The following ANK3 variants were observed in gnomAD, a reference collection of about 807,000 sequenced individuals.
ANK3 encodes ankyrin 3.
In ANK3, 57 loss-of-function variants were observed where a neutral mutation model predicts 370.9. The observed-to-expected ratio is 0.15, with a 90% CI of 0.12 to 0.19. The LOEUF (loss-of-function observed/expected upper bound fraction) is 0.19, where lower values mean the gene tolerates loss of function less well. ANK3 is among the 10% of genes least tolerant of loss of function. The probability of loss-of-function intolerance (pLI) is 1.00; values close to 1 mark genes in which losing one functional copy is unlikely to be tolerated. For missense variants in ANK3, 4,439 were observed against 5,302.1 expected, an observed-to-expected ratio of 0.84 and a Z score of 5.06; for synonymous variants, 1,929 against 1,946.3, an observed-to-expected ratio of 0.99 and a Z score of 0.23.
chr10:60,350,805 C>A (rs899565031), intron 1 of ANK3, among the ~76,000 whole-genome samples: 1 of 152,158 alleles, frequency 6.6e-6, no homozygotes, highest in East Asian at 1.9e-4. Flanking sequence ...GTCTCAGCAG[C>A]CCCTGGCTCA....
At chr10:60,367,615 A>C (rs908823012) in intron 1 of ANK3, among the ~76,000 whole-genome samples, 4 of 152,170 alleles carry the variant, frequency 2.6e-5, no homozygotes, top group Non-Finnish European at 5.9e-5. Flanking sequence ...TCATCAGCAC[A>C]CTGCAAAAAT....
intron 42 of ANK3, chr10:60,044,073 C>T (rs1441647773): frequency 3.6e-5 from 35 of 985,546 alleles, no homozygotes; most frequent in Non-Finnish European, 4.2e-5. Context: ...CTCTCCATTA[C>T]CACATCATCA....
At chr10:60,713,522 T>G (rs1232413175) in intron 1 of ANK3, among the ~76,000 whole-genome samples, 3 of 151,934 alleles carry the variant, frequency 2.0e-5, no homozygotes, top group African/African-American at 7.3e-5. Context: ...AGATCTAAAA[T>G]CAATAATCTA....
chr10:60,608,627 A>G (rs1018758654), intron 2 of ANK3, among the ~76,000 whole-genome samples: 3 of 152,234 alleles, frequency 2.0e-5, no homozygotes. Context: ...TATATATTCT[A>G]AACAAATACA....
intron 1 of ANK3, among the ~76,000 whole-genome samples, chr10:60,731,376 T>A (rs529269318): frequency 6.6e-6 from 1 of 152,316 alleles, no homozygotes; most frequent in South Asian, 2.1e-4. Context: ...GTCTGAAGGA[T>A]CTTGAGCTAC....
intron 24 of ANK3, among the ~76,000 whole-genome samples, chr10:60,138,269 C>T (rs1222055672): frequency 6.6e-6 from 1 of 152,162 alleles, no homozygotes; most frequent in Non-Finnish European, 1.5e-5. Flanking sequence ...CACACTAGGG[C>T]AAAGAAGTCT....
chr10:60,056,131 C>A, intron 41 of ANK3, 95 bp from the exon 42 acceptor site: 1 of 1,378,258 alleles, frequency 7.3e-7, no homozygotes, highest in Admixed American at 2.5e-5. Flanking sequence ...CTTTTGCCTA[C>A]TTCTGAAGGC....
intron 1 of ANK3, among the ~76,000 whole-genome samples, chr10:60,702,655 A>G (rs1296980150): frequency 6.6e-6 from 1 of 152,214 alleles, no homozygotes; most frequent in Non-Finnish European, 1.5e-5. Context: ...AATAGTGGAT[A>G]TAAGAGATCT....
upstream of ANK3, among the ~76,000 whole-genome samples, chr10:60,394,793 T>C (rs979520377): frequency 1.3e-5 from 2 of 152,222 alleles, no homozygotes; most frequent in African/African-American, 4.8e-5. Flanking sequence ...TTCCTCTCTG[T>C]GCTCTGGCTC....
chr10:60,250,441 T>C lies in ANK3; in HGVS notation c.798+11418A>G, dbSNP rs554256664. ...GTGCAGTGGCACAATCTCGGCTCAC[T>C]GCAAGCTCTGCCTCCCAGGTTCAAG... On this transcript the variant is annotated intron_variant, in intron 7 of 43. Coordinates refer to ENST00000280772, the MANE Select transcript of ANK3 (RefSeq NM_020987.5). Among the ~76,000 whole-genome samples the C allele has an allele frequency of 7.9e-5, 12 of 152,350 alleles. No individual in the cohort carries two copies. In the East Asian group the frequency reaches 1.9e-3, roughly 24 times the overall value.
chr10:60,584,902 C>T (rs534954592), intron 2 of ANK3, among the ~76,000 whole-genome samples: 1 of 152,254 alleles, frequency 6.6e-6, no homozygotes, highest in African/African-American at 2.4e-5. Flanking sequence ...GTCACCAAGG[C>T]CCAGTGGGAC....
At chr10:60,677,805 G>T (rs866548967) in intron 1 of ANK3, among the ~76,000 whole-genome samples, 2 of 141,296 alleles carry the variant, frequency 1.4e-5, no homozygotes, top group African/African-American at 5.2e-5. Flanking sequence ...AAAAAGAAAA[G>T]AAAAGAAAAG....
intron 1 of ANK3, among the ~76,000 whole-genome samples, chr10:60,711,499 G>A (rs541223266): frequency 6.6e-6 from 1 of 152,056 alleles, no homozygotes; most frequent in East Asian, 1.9e-4. Context: ...GTTTCAAGAT[G>A]TCAGTAGAAA....
At chr10:60,085,907 G>A (rs559684012) in intron 30 of ANK3, among the ~76,000 whole-genome samples, 12 of 152,270 alleles carry the variant, frequency 7.9e-5, no homozygotes, top group South Asian at 2.1e-4. Flanking sequence ...GAGCCACCGC[G>A]CCCAGCCTCT....
rs149815460 is a variant in ANK3, at chr10:60,196,238, C to T, written c.1794G>A (p.Gly598=). The T allele has an allele frequency of 1.2e-6, 2 of 1,613,770 alleles. No homozygotes were observed. The highest frequency in any genetic ancestry group is 2.2e-5 in the East Asian group (1 of 44,854). The change falls in exon 16 of 44, where the codon GGG becomes GGA. Residue 598 remains glycine, a synonymous_variant. Transcript: ENST00000280772. The stretch of plus-strand genomic sequence containing the variant: ...GTGCAGCTACATGCAGTGGTGTTAG[C>T]CCGCTCTGAAAACACGTGCAGAAAC... ...SASPDAAGKS[G]LTPLHVAAHY...
chr10:60,581,128 A>G (rs2077745250), intron 2 of ANK3, among the ~76,000 whole-genome samples: 1 of 152,230 alleles, frequency 6.6e-6, no homozygotes. Context: ...ATCTGAATCA[A>G]CAAATTGACA....
At chr10:60,190,494 G>A (rs1233369215) in intron 16 of ANK3, among the ~76,000 whole-genome samples, 2 of 152,208 alleles carry the variant, frequency 1.3e-5, no homozygotes, top group Non-Finnish European at 2.9e-5. Flanking sequence ...AACTTCTCTG[G>A]TAGTGTGCTT....
intron 2 of ANK3, among the ~76,000 whole-genome samples, chr10:60,504,341 C>T (rs185132468): frequency 6.6e-6 from 1 of 152,216 alleles, no homozygotes; most frequent in Non-Finnish European, 1.5e-5. Flanking sequence ...ATGGTAGGTG[C>T]AGCTTTCTTT....
At chr10:60,528,896 T>C (rs2076540018) in intron 2 of ANK3, among the ~76,000 whole-genome samples, 1 of 152,122 alleles carries the variant, frequency 6.6e-6, no homozygotes, top group Admixed American at 6.6e-5. Flanking sequence ...TAGTGAATGA[T>C]TAAAATAGTT....
Sources: gnomAD v4.1 joint callset for allele counts (sites outside exome capture counted in the v4.1 genomes callset) on GRCh38, gnomAD v4.1.1 for gene constraint, MANE v1.5 for transcripts, NCBI Gene and HGNC (gene_info 2026-07-23, HGNC 2026-07-21) for gene names.